The following CDKN2A variants were observed in gnomAD, a reference collection of about 807,000 sequenced individuals.
CDKN2A encodes the protein cyclin dependent kinase inhibitor 2A.
A neutral mutation model predicts 11.1 loss-of-function variants in CDKN2A; 3 were observed. The ratio of observed to expected loss-of-function variants is 0.27; its 90% CI spans 0.12 to 0.70. The LOEUF is 0.70. Ranked by LOEUF, CDKN2A falls within the 30% of genes least tolerant of loss-of-function variation. The pLI is 0.77. For missense variants in CDKN2A, 265 were observed against 233.6 expected, an observed-to-expected ratio of 1.13 and a Z score of -0.88; for synonymous variants, 122 against 108.1, an observed-to-expected ratio of 1.13 and a Z score of -0.80.
intron 1 of CDKN2A, chr9:21,994,086 C>T (rs1820521108): frequency 1.9e-6 from 3 of 1,566,954 alleles, no homozygotes; most frequent in African/African-American, 2.7e-5. Context: ...CGAAATCACA[C>T]CAAACAAAAC....
chr9:21,974,356 C>T lies in CDKN2A; in HGVS notation c.150+322G>A, dbSNP rs764592691. 2.7e-6 allele frequency: 4 copies of T among 1,490,700 alleles called. No homozygotes were observed. In the African/African-American group the frequency reaches 5.5e-5, roughly 21 times the overall value. 92.3% of individuals were successfully genotyped at this position (1,490,700 alleles called of 1,614,324 possible). ...ACATCTTACATTTCTTTAAGACTCCCTTTTTATCCCAAACGTTCGTAAATT... is the reference window on the plus strand; with the variant it reads ...ACATCTTACATTTCTTTAAGACTCCTTTTTTATCCCAAACGTTCGTAAATT... On this transcript the variant is annotated intron_variant, in intron 1 of 2. Transcript: ENST00000304494. The surrounding 1 kb of genome is among the most constrained non-coding windows in gnomAD (Gnocchi z 5.2).
upstream of CDKN2A, chr9:21,974,949 G>C: frequency 7.0e-7 from 1 of 1,421,906 alleles, no homozygotes. The surrounding 1 kb of genome is among the most constrained non-coding windows in gnomAD (Gnocchi z 5.2). Context: ...GCTGGCGGAA[G>C]AGCCCCCTCC....
upstream of CDKN2A, among the ~76,000 whole-genome samples, chr9:21,976,289 G>C (rs958020114): frequency 6.6e-6 from 1 of 151,070 alleles, no homozygotes; most frequent in Non-Finnish European, 1.5e-5. Context: ...TGAGGCAGGA[G>C]AATCGCTTGA....
chr9:21,968,854 C>T lies in CDKN2A; in HGVS notation c.458-612G>A. On this transcript the variant is annotated intron_variant, in intron 2 of 2. Coordinates refer to ENST00000304494, the MANE Select transcript of CDKN2A (RefSeq NM_000077.5). The surrounding 1 kb of genome is among the most constrained non-coding windows in gnomAD (Gnocchi z 4.7). ...ATCTCGTTGCGTATGGGCTCCAGCT[C>T]GCCGTTCGGTTCTCCCGAGGCAGCA... 7.2e-7 allele frequency: 1 copy of T among 1,387,986 alleles called. No homozygotes were observed. Among genetic ancestry groups the T allele is most frequent in the South Asian group, 1.2e-5 (1 of 80,930 alleles). 86.0% of individuals were successfully genotyped at this position (1,387,986 alleles called of 1,614,324 possible). A position where few individuals can be genotyped will look rare whatever the true frequency, so the allele number is the denominator to read the frequency against.
At chr9:21,994,431 AC>A in intron 1 of CDKN2A, 1 of 1,584,662 alleles carries the variant, frequency 6.3e-7, no homozygotes. Flanking sequence ...GCAGACTGGG[AC>A]CCACGCACCG....
rs1002155941 is a variant in CDKN2A, at chr9:21,988,938, T to G, written c.-4+4944A>C. On this transcript the variant is annotated intron_variant, in intron 2 of 3. Coordinates refer to the CDKN2A transcript ENST00000494262. This position sits in a 1 kb window ranked among gnomAD's most constrained non-coding sequence, Gnocchi z 4.1. ...TCTTTGGTCCACCAAGCCCTATCGT[T>G]CTGCTCTTTGGAAATTCTCCCTCAC... Among the ~76,000 whole-genome samples the G allele has an allele frequency of 6.6e-6, 1 of 152,232 alleles. No individual in the cohort carries two copies. Among genetic ancestry groups the G allele is most frequent in the Non-Finnish European group, 1.5e-5 (1 of 68,040 alleles).
chr9:21,991,941 A>T lies in CDKN2A; in HGVS notation c.-4+1941T>A. The T allele has an allele frequency of 2.0e-6, 2 of 983,582 alleles. No individual in the cohort carries two copies. The highest frequency in any genetic ancestry group is 2.4e-6 in the Non-Finnish European group (2 of 828,232). 60.9% of individuals were successfully genotyped at this position (983,582 alleles called of 1,614,324 possible). A position where few individuals can be genotyped will look rare whatever the true frequency, so the allele number is the denominator to read the frequency against. On this transcript the variant is annotated intron_variant, in intron 2 of 3. Coordinates refer to the CDKN2A transcript ENST00000494262. This position sits in a 1 kb window ranked among gnomAD's most constrained non-coding sequence, Gnocchi z 5.2. ...AAAAATAACCTGAGCCTTCTGAAGT[A>T]GCTATAAACAAATGAATATTTAACT... is the stretch of plus-strand genomic sequence containing the variant.
chr9:21,993,580 C>T (rs973218232), intron 2 of CDKN2A, among the ~76,000 whole-genome samples: 1 of 152,146 alleles, frequency 6.6e-6, no homozygotes, highest in Admixed American at 6.5e-5. Context: ...AGTGCTTGCT[C>T]CTCGCAGCAG....
rs1304729707 is a variant in CDKN2A at position 21,968,308 on chromosome 9, C to T, written c.458-66G>A. On this transcript the variant is annotated intron_variant, in intron 2 of 2. Transcript: ENST00000304494. The surrounding 1 kb of genome is among the most constrained non-coding windows in gnomAD (Gnocchi z 4.7). ...GTCAAAGATGTGTGGCACATCCCGCCCTCCTCTCTTGCCGTCCCTACCGGC... is the reference window on the plus strand; with the variant it reads ...GTCAAAGATGTGTGGCACATCCCGCTCTCCTCTCTTGCCGTCCCTACCGGC... 5 of 1,586,380 alleles carry T rather than the reference C, an allele frequency of 3.2e-6. No individual in the cohort carries two copies. The highest frequency in any genetic ancestry group is 2.7e-5 in the African/African-American group (2 of 74,292).
At chr9:21,975,174 C>T (rs1035856991), upstream of CDKN2A, 11 of 1,149,774 alleles carry the variant, frequency 9.6e-6, no homozygotes, top group African/African-American at 1.1e-4. Flanking sequence ...TGGGCTCCTC[C>T]CCACCTGCCC....
chr9:21,977,180 G>C (rs895169881), upstream of CDKN2A, among the ~76,000 whole-genome samples: 4 of 152,092 alleles, frequency 2.6e-5, no homozygotes, highest in Non-Finnish European at 5.9e-5. Flanking sequence ...TTTCCTCGGG[G>C]TACCTCTCAA....
At chr9:21,980,101 CT>C (rs1820136719) in intron 2 of CDKN2A, among the ~76,000 whole-genome samples, 1 of 152,188 alleles carries the variant, frequency 6.6e-6, no homozygotes, top group Non-Finnish European at 1.5e-5. Context: ...TAGCTCTACA[CT>C]GAGACCAAGT....
rs2131110165 is a variant in CDKN2A at position 21,974,543 on chromosome 9, C to T, written c.150+135G>A. 3 of 1,613,336 alleles carry T rather than the reference C, an allele frequency of 1.9e-6. No individual in the cohort carries two copies. The highest frequency in any genetic ancestry group is 2.5e-6 in the Non-Finnish European group (3 of 1,179,986). On this transcript the variant is annotated intron_variant, in intron 1 of 2. Coordinates refer to ENST00000304494, the MANE Select transcript of CDKN2A (RefSeq NM_000077.5). The surrounding 1 kb of genome is among the most constrained non-coding windows in gnomAD (Gnocchi z 5.2). The stretch of plus-strand genomic sequence containing the variant: ...CAGGAGGAGGTCTGTGATTACAAAC[C>T]CCTTCTGAAAACTCCCCAGGAAGCC...
intron 2 of CDKN2A, chr9:21,970,675 T>G (rs113886003): frequency 4.8e-6 from 3 of 630,100 alleles, no homozygotes; most frequent in Non-Finnish European, 8.4e-6. Context: ...GGAAGTATAA[T>G]GTACAAAATG....
intron 2 of CDKN2A, among the ~76,000 whole-genome samples, chr9:21,984,587 TGTAC>T (rs1383423113): frequency 1.3e-5 from 2 of 152,072 alleles, no homozygotes; most frequent in African/African-American, 4.8e-5. Context: ...ATGCTGCTGA[TGTAC>T]GCATGTGCTG....
chr9:21,993,945 G>T, exon 2 of CDKN2A: 1 of 666,192 alleles, frequency 1.5e-6, no homozygotes, highest in Non-Finnish European at 2.6e-6. Flanking sequence ...GGGGCTGTGT[G>T]AAGGGAGGTC....
At chr9:21,973,377 G>C (rs1326218997) in intron 1 of CDKN2A, among the ~76,000 whole-genome samples, 1 of 152,108 alleles carries the variant, frequency 6.6e-6, no homozygotes, top group Non-Finnish European at 1.5e-5. Context: ...ATGTAGTTAG[G>C]ATTCTAAGCC....
chr9:21,980,723 G>T (rs1246368238), intron 2 of CDKN2A, among the ~76,000 whole-genome samples: 3 of 151,644 alleles, frequency 2.0e-5, no homozygotes, highest in Non-Finnish European at 4.4e-5. Flanking sequence ...ACTTTGGGAG[G>T]CCGAGGCGGG....
chr9:21,993,441 G>T (rs1820485255), intron 2 of CDKN2A, among the ~76,000 whole-genome samples: 2 of 152,196 alleles, frequency 1.3e-5, no homozygotes, highest in African/African-American at 4.8e-5. Flanking sequence ...CAGTTCTACA[G>T]TTCTGTCGTT....
Sources: gnomAD v4.1 joint callset for allele counts (sites outside exome capture counted in the v4.1 genomes callset) on GRCh38, gnomAD v4.1.1 for gene constraint, Gnocchi (gnomAD v3.1) non-coding constraint, MANE v1.5 for transcripts, NCBI Gene and HGNC (gene_info 2026-07-23, HGNC 2026-07-21) for gene names.